The following TASP1 variants were observed in gnomAD, a reference collection of about 807,000 sequenced individuals.
TASP1 encodes threonine aspartase 1.
A neutral mutation model predicts 56.6 loss-of-function variants in TASP1; 16 were observed. The observed-to-expected ratio is 0.28, with a 90% CI of 0.19 to 0.43. The LOEUF is 0.43. Among genes scored for constraint, TASP1 ranks in the 20% least tolerant of loss-of-function variants. The probability of loss-of-function intolerance (pLI) is 1.00; values close to 1 mark genes in which losing one functional copy is unlikely to be tolerated. For synonymous variants in TASP1, 179 were observed against 184.2 expected (o/e 0.97, Z 0.23); for missense variants, 393 against 511.6 (o/e 0.77, Z 2.24).
At chr20:13,276,574 TG>T in the TASP1 span, among the ~76,000 whole-genome samples, 3 of 152,232 alleles carry the variant, frequency 2.0e-5, no homozygotes, top group African/African-American at 7.2e-5. Flanking sequence ...ATGACTTGAG[TG>T]TGAAAAAGTC....
chr20:13,496,884 A>G (rs2043749998), intron 10 of TASP1, among the ~76,000 whole-genome samples: 2 of 152,198 alleles, frequency 1.3e-5, no homozygotes, highest in South Asian at 2.1e-4. Flanking sequence ...CCTAATTCCA[A>G]AAAAGATAAG....
the TASP1 span, among the ~76,000 whole-genome samples, chr20:13,122,073 C>A: frequency 6.6e-6 from 1 of 152,180 alleles, no homozygotes; most frequent in African/African-American, 2.4e-5. Flanking sequence ...CCTGAGAATG[C>A]AGTTGAGTAA....
the TASP1 span, among the ~76,000 whole-genome samples, chr20:13,227,966 TTTTTTTTTTTC>T: frequency 2.0e-5 from 3 of 150,682 alleles, no homozygotes; most frequent in Non-Finnish European, 4.4e-5. Context: ...TGCCTTTTTT[TTTTTTTTTTTC>T]TTTTTGAGAT....
chr20:13,420,086 C>G (rs1163012943), intron 12 of TASP1, among the ~76,000 whole-genome samples: 2 of 152,048 alleles, frequency 1.3e-5, no homozygotes, highest in Non-Finnish European at 2.9e-5. Flanking sequence ...TCCTCATGCC[C>G]CGAATATTAA....
At chr20:13,417,903 C>T (rs2146070703) in intron 12 of TASP1, among the ~76,000 whole-genome samples, 1 of 152,302 alleles carries the variant, frequency 6.6e-6, no homozygotes, top group East Asian at 1.9e-4. Context: ...CATACACACA[C>T]ACCAGGTCTT....
At chr20:13,202,534 C>A in the TASP1 span, among the ~76,000 whole-genome samples, 1 of 152,164 alleles carries the variant, frequency 6.6e-6, no homozygotes, top group African/African-American at 2.4e-5. Flanking sequence ...CTTTAGCACA[C>A]CATTCATGAT....
At chr20:13,112,719 CCACATT>C in the TASP1 span, among the ~76,000 whole-genome samples, 1 of 152,304 alleles carries the variant, frequency 6.6e-6, no homozygotes, top group East Asian at 1.9e-4. Flanking sequence ...ACCTAAAAGG[CCACATT>C]CACAGATAGG....
At chr20:13,198,814 CTTTCTTT>C in the TASP1 span, among the ~76,000 whole-genome samples, 2 of 134,052 alleles carry the variant, frequency 1.5e-5, no homozygotes, top group African/African-American at 5.6e-5. Context: ...TTCTTTCTTT[CTTTCTTT>C]CTTTCTTTCT....
chr20:13,359,899 C>A, the TASP1 span, among the ~76,000 whole-genome samples: 1 of 152,008 alleles, frequency 6.6e-6, no homozygotes, highest in African/African-American at 2.4e-5. Context: ...CGATCATGCA[C>A]CCCTTACCAT....
chr20:13,134,200 A>G, the TASP1 span, among the ~76,000 whole-genome samples: 1 of 152,190 alleles, frequency 6.6e-6, no homozygotes, highest in East Asian at 1.9e-4. Context: ...TTGGAAAGAA[A>G]TGTGTTAAGT....
the TASP1 span, among the ~76,000 whole-genome samples, chr20:13,140,441 A>G: frequency 6.6e-6 from 1 of 152,230 alleles, no homozygotes; most frequent in African/African-American, 2.4e-5. Context: ...TAAGGTAACC[A>G]GGCACGAGAC....
chr20:13,482,308 G>A (rs2043167816), intron 11 of TASP1, among the ~76,000 whole-genome samples: 1 of 152,018 alleles, frequency 6.6e-6, no homozygotes. Context: ...TGCCATTTTG[G>A]TTACTATAAT....
chr20:13,415,762 C>T (rs1047553435), intron 13 of TASP1, among the ~76,000 whole-genome samples: 7 of 152,242 alleles, frequency 4.6e-5, no homozygotes, highest in Admixed American at 4.6e-4. Flanking sequence ...GCAAGGATAA[C>T]AAAAAATTTC....
rs534316571 is a variant in TASP1, at chr20:13,476,494, A to G, written c.985+6733T>C. 2.0e-4 allele frequency among the ~76,000 whole-genome samples: 31 copies of G among 152,302 alleles called. 3 individuals are homozygous for G. The highest frequency in any genetic ancestry group is 7.2e-4 in the African/African-American group (30 of 41,578). On this transcript the variant is annotated intron_variant, in intron 11 of 13. Transcript: ENST00000337743. The stretch of plus-strand genomic sequence containing the variant: ...CATTTCACAAAATTGCCCAGAATGC[A>G]AGTTCCTATATTTCCTGAACTTTAG...
At chr20:13,351,865 C>A in the TASP1 span, among the ~76,000 whole-genome samples, 1 of 152,114 alleles carries the variant, frequency 6.6e-6, no homozygotes, top group Non-Finnish European at 1.5e-5. Context: ...TGGAAATGTT[C>A]CATATTTTGT....
chr20:13,151,173 G>C, the TASP1 span, among the ~76,000 whole-genome samples: 15 of 152,312 alleles, frequency 9.8e-5, no homozygotes, highest in African/African-American at 3.6e-4. Context: ...CTGTCTCACA[G>C]ATTCTGCTAA....
chr20:13,485,450 C>A (rs1042440571), intron 10 of TASP1, among the ~76,000 whole-genome samples: 1 of 151,882 alleles, frequency 6.6e-6, no homozygotes, highest in African/African-American at 2.4e-5. Context: ...CACAGGCCTT[C>A]TAAAAGAGAA....
chr20:13,594,381 G>A (rs2047650526), intron 4 of TASP1, among the ~76,000 whole-genome samples: 1 of 152,218 alleles, frequency 6.6e-6, no homozygotes, highest in Admixed American at 6.5e-5. Flanking sequence ...TGACTTTGAG[G>A]AGATGACAGA....
the TASP1 span, among the ~76,000 whole-genome samples, chr20:13,319,462 G>C: frequency 6.6e-6 from 1 of 152,146 alleles, no homozygotes; most frequent in African/African-American, 2.4e-5. Flanking sequence ...GAATGATCCT[G>C]ACTTAATCCT....
Sources: gnomAD v4.1 joint callset for allele counts (sites outside exome capture counted in the v4.1 genomes callset) on GRCh38, gnomAD v4.1.1 for gene constraint, MANE v1.5 for transcripts, NCBI Gene and HGNC (gene_info 2026-07-23, HGNC 2026-07-21) for gene names.